IGF1: variants seen among roughly 807,000 people sequenced by gnomAD.
IGF1 encodes insulin-like growth factor 1.
In IGF1, 4 loss-of-function variants were observed where a neutral mutation model predicts 13.8. The ratio of observed to expected loss-of-function variants is 0.29; its 90% CI spans 0.14 to 0.66. IGF1 has a LOEUF of 0.66. Among genes scored for constraint, IGF1 ranks in the 30% least tolerant of loss-of-function variants. The pLI is 0.78. For missense variants in IGF1, 124 were observed against 188.5 expected (o/e 0.66, Z 2.00); for synonymous variants, 76 against 72.6 (o/e 1.05, Z -0.23).
At chr12:102,474,078 G>T (rs1880859552) in intron 2 of IGF1, among the ~76,000 whole-genome samples, 1 of 152,162 alleles carries the variant, frequency 6.6e-6, no homozygotes, top group African/African-American at 2.4e-5. Flanking sequence ...GGCATAATAA[G>T]TGAGAACCAC....
chr12:102,473,752 A>G (rs1476968339), intron 2 of IGF1, among the ~76,000 whole-genome samples: 1 of 152,246 alleles, frequency 6.6e-6, no homozygotes, highest in Non-Finnish European at 1.5e-5. Flanking sequence ...AGAATAAGAG[A>G]ACCTGGAAAT....
intron 3 of IGF1, among the ~76,000 whole-genome samples, chr12:102,412,406 G>T (rs972789067): frequency 4.6e-5 from 7 of 151,392 alleles, no homozygotes; most frequent in Non-Finnish European, 8.8e-5. Flanking sequence ...ACACACACGC[G>T]CACACACACA....
At chr12:102,441,953 T>TTCTTCTTCTTCTTCTTCTTCC in intron 2 of IGF1, among the ~76,000 whole-genome samples, 1 of 140,222 alleles carries the variant, frequency 7.1e-6, no homozygotes, top group Non-Finnish European at 1.6e-5. Flanking sequence ...CTTCTTCTTC[T>TTCTTCTTCTTCTTCTTCTTCC]TCTTTTTTTT....
chr12:102,458,820 G>A (rs11111280), intron 2 of IGF1, among the ~76,000 whole-genome samples: 1 of 150,562 alleles, frequency 6.6e-6, no homozygotes, highest in African/African-American at 2.4e-5. Flanking sequence ...ACATCTGGTA[G>A]AAGATTTTAC....
chr12:102,434,217 T>C (rs1241363445), intron 2 of IGF1, among the ~76,000 whole-genome samples: 5 of 150,398 alleles, frequency 3.3e-5, no homozygotes, highest in Admixed American at 1.3e-4. Context: ...GTTACATATG[T>C]ATACATGTGC....
chr12:102,421,986 T>C (rs1303864819), intron 2 of IGF1, among the ~76,000 whole-genome samples: 2 of 152,076 alleles, frequency 1.3e-5, no homozygotes, highest in African/African-American at 4.8e-5. Context: ...ACATGTCGAT[T>C]TCCTCTTGTA....
At chr12:102,402,624 T>C in intron 3 of IGF1, 58 bp from the exon 4 acceptor site, 1 of 778,244 alleles carries the variant, frequency 1.3e-6, no homozygotes, top group South Asian at 1.3e-5. Context: ...TATCCATCTA[T>C]TTCTAACATT....
At chr12:102,410,818 A>C (rs1874574701) in intron 3 of IGF1, among the ~76,000 whole-genome samples, 1 of 152,306 alleles carries the variant, frequency 6.6e-6, no homozygotes, top group South Asian at 2.1e-4. Context: ...GAATTGAGAG[A>C]AATTTTGGAA....
chr12:102,450,882 G>T (rs1565992712), intron 2 of IGF1, among the ~76,000 whole-genome samples: 1 of 152,204 alleles, frequency 6.6e-6, no homozygotes. Flanking sequence ...ATAGGATTTG[G>T]GATCTAGGAA....
At chr12:102,465,806 G>A (rs574941102) in intron 2 of IGF1, among the ~76,000 whole-genome samples, 1 of 152,176 alleles carries the variant, frequency 6.6e-6, no homozygotes. Context: ...GCAAGGTGGT[G>A]CATGCCTGTC....
At chr12:102,459,245 A>C (rs914032785) in intron 2 of IGF1, among the ~76,000 whole-genome samples, 11 of 152,218 alleles carry the variant, frequency 7.2e-5, no homozygotes, top group Admixed American at 3.9e-4. Flanking sequence ...AAAATGCCTT[A>C]CTGTCAAATT....
chr12:102,467,948 A>G (rs966118275), intron 2 of IGF1, among the ~76,000 whole-genome samples: 3 of 152,198 alleles, frequency 2.0e-5, no homozygotes, highest in African/African-American at 7.2e-5. Context: ...ACATGAATGT[A>G]TGGGGTAAAA....
chr12:102,465,514 T>G (rs1880235997), intron 2 of IGF1, among the ~76,000 whole-genome samples: 1 of 152,196 alleles, frequency 6.6e-6, no homozygotes, highest in Admixed American at 6.5e-5. Flanking sequence ...GTGATAGGAC[T>G]CAGATAGGAA....
intron 3 of IGF1, among the ~76,000 whole-genome samples, chr12:102,405,291 T>C (rs1874061765): frequency 6.6e-6 from 1 of 151,356 alleles, no homozygotes. Flanking sequence ...TTTCACCATG[T>C]TGGCCAGGCT....
At chr12:102,438,498 A>G (rs1484544180) in intron 2 of IGF1, among the ~76,000 whole-genome samples, 1 of 152,254 alleles carries the variant, frequency 6.6e-6, no homozygotes, top group East Asian at 1.9e-4. Flanking sequence ...AGCCTATTCA[A>G]GTTCCACAGT....
At chr12:102,457,163 G>C (rs1403767344) in intron 2 of IGF1, among the ~76,000 whole-genome samples, 1 of 152,140 alleles carries the variant, frequency 6.6e-6, no homozygotes, top group Non-Finnish European at 1.5e-5. Flanking sequence ...TTGTCATGCT[G>C]ATAGCAAAAT....
At chr12:102,457,113 C>G (rs1446952764) in intron 2 of IGF1, among the ~76,000 whole-genome samples, 1 of 152,154 alleles carries the variant, frequency 6.6e-6, no homozygotes, top group Non-Finnish European at 1.5e-5. Context: ...GTGTCCAGGT[C>G]TCCTCACCTC....
At chr12:102,409,332 T>A (rs1874436466) in intron 3 of IGF1, among the ~76,000 whole-genome samples, 1 of 152,112 alleles carries the variant, frequency 6.6e-6, no homozygotes, top group African/African-American at 2.4e-5. Flanking sequence ...TGCATGTTTG[T>A]CTCTCCACTA....
At chr12:102,420,816 T>C (rs1875646121) in intron 2 of IGF1, among the ~76,000 whole-genome samples, 1 of 152,188 alleles carries the variant, frequency 6.6e-6, no homozygotes, top group African/African-American at 2.4e-5. Flanking sequence ...TCAGGCTTTA[T>C]GGAAGAAATT....
Sources: gnomAD v4.1 joint callset for allele counts (sites outside exome capture counted in the v4.1 genomes callset) on GRCh38, gnomAD v4.1.1 for gene constraint, MANE v1.5 for transcripts, NCBI Gene and HGNC (gene_info 2026-07-23, HGNC 2026-07-21) for gene names.